LINGO1: variants seen among roughly 807,000 people sequenced by gnomAD.
LINGO1 encodes the protein leucine rich repeat and Ig domain containing 1.
In LINGO1, 11 loss-of-function variants were observed where a neutral mutation model predicts 37.3. That is an observed-to-expected ratio of 0.29 (90% confidence interval 0.19 to 0.49). The LOEUF is 0.49. Ranked by LOEUF, LINGO1 falls within the 20% of genes least tolerant of loss-of-function variation. The probability of loss-of-function intolerance (pLI) is 0.99; values close to 1 mark genes in which losing one functional copy is unlikely to be tolerated. For synonymous variants in LINGO1, 387 were observed against 403.0 expected (o/e 0.96, Z 0.48); for missense variants, 585 against 878.2 (o/e 0.67, Z 4.22).
intron 2 of LINGO1, among the ~76,000 whole-genome samples, chr15:77,704,437 C>T (rs973494979): frequency 1.3e-5 from 2 of 151,974 alleles, no homozygotes; most frequent in East Asian, 3.9e-4. Context: ...TGAATCCCGA[C>T]CCTGGTCAGA....
At chr15:77,794,298 A>G (rs200141301) in intron 2 of LINGO1, among the ~76,000 whole-genome samples, 57 of 118,448 alleles carry the variant, frequency 4.8e-4, no homozygotes, top group East Asian at 1.1e-3. Flanking sequence ...ATGTATGTAT[A>G]TATATACATA....
intron 1 of LINGO1, among the ~76,000 whole-genome samples, chr15:77,786,532 T>G (rs1273414756): frequency 6.6e-6 from 1 of 152,200 alleles, no homozygotes; most frequent in Non-Finnish European, 1.5e-5. Context: ...CCTACAGTTC[T>G]GGATATTTAC....
At chr15:77,653,705 C>T (rs1447702006) in intron 3 of LINGO1, among the ~76,000 whole-genome samples, 1 of 150,674 alleles carries the variant, frequency 6.6e-6, no homozygotes, top group African/African-American at 2.5e-5. Context: ...CTTGTCTCTA[C>T]CCCAGAAGCA....
intron 2 of LINGO1, among the ~76,000 whole-genome samples, chr15:77,703,516 A>G (rs1386327777): frequency 6.6e-6 from 1 of 152,164 alleles, no homozygotes; most frequent in Admixed American, 6.5e-5. Flanking sequence ...CATCTGCAAC[A>G]TAAGGTGTCC....
At chr15:77,642,264 G>A (rs1158002164) in intron 3 of LINGO1, among the ~76,000 whole-genome samples, 1 of 152,202 alleles carries the variant, frequency 6.6e-6, no homozygotes, top group Non-Finnish European at 1.5e-5. Context: ...CCAGTTGCCA[G>A]GGCTTGGTTC....
chr15:77,727,015 A>T (rs1409515993), intron 2 of LINGO1, among the ~76,000 whole-genome samples: 2 of 152,272 alleles, frequency 1.3e-5, no homozygotes, highest in Non-Finnish European at 2.9e-5. Context: ...CATCAGGGAA[A>T]TGCAAAGCAA....
upstream of LINGO1, among the ~76,000 whole-genome samples, chr15:77,700,454 T>C (rs1405397899): frequency 1.3e-5 from 2 of 152,092 alleles, no homozygotes; most frequent in Non-Finnish European, 1.5e-5. Flanking sequence ...CCACTACTAA[T>C]AGTTAAAGCG....
At chr15:77,689,553 C>T (rs1173439929) in intron 2 of LINGO1, among the ~76,000 whole-genome samples, 5 of 152,204 alleles carry the variant, frequency 3.3e-5, no homozygotes, top group Admixed American at 1.3e-4. Flanking sequence ...GGGTGGCTCA[C>T]GGCCAATGAC....
At chr15:77,705,790 G>A (rs1262010852) in intron 2 of LINGO1, among the ~76,000 whole-genome samples, 2 of 152,240 alleles carry the variant, frequency 1.3e-5, no homozygotes, top group African/African-American at 2.4e-5. Context: ...CTTCTGGGCT[G>A]TGTGTCCTAG....
chr15:77,651,533 A>G (rs2074758283), intron 3 of LINGO1: 1 of 152,228 alleles, frequency 6.6e-6, no homozygotes, highest in African/African-American at 2.4e-5. Context: ...TGTATCAAGT[A>G]GTGGCTGATA....
chr15:77,649,681 T>C (rs1014551908), intron 3 of LINGO1, among the ~76,000 whole-genome samples: 6 of 151,866 alleles, frequency 4.0e-5, no homozygotes, highest in Non-Finnish European at 7.4e-5. Context: ...AGCTGGAGGA[T>C]AGAAACCAAG....
chr15:77,702,066 T>C (rs2075790868), intron 2 of LINGO1, among the ~76,000 whole-genome samples: 1 of 152,112 alleles, frequency 6.6e-6, no homozygotes, highest in African/African-American at 2.4e-5. Context: ...AGATGGTGCC[T>C]GAAGGCCCAC....
At chr15:77,794,098 G>A (rs1382003218) in intron 2 of LINGO1, among the ~76,000 whole-genome samples, 3 of 152,182 alleles carry the variant, frequency 2.0e-5, no homozygotes, top group Non-Finnish European at 4.4e-5. Flanking sequence ...GCTGCCGTCT[G>A]CCTGGGCAGT....
upstream of LINGO1, among the ~76,000 whole-genome samples, chr15:77,791,130 C>T (rs1008950070): frequency 2.6e-5 from 4 of 152,146 alleles, no homozygotes; most frequent in African/African-American, 9.7e-5. Flanking sequence ...CAGGCTTGGA[C>T]ACCCTGGCCC....
intron 1 of LINGO1, among the ~76,000 whole-genome samples, chr15:77,623,322 A>C (rs1270491808): frequency 6.6e-6 from 1 of 152,198 alleles, no homozygotes; most frequent in Non-Finnish European, 1.5e-5. Flanking sequence ...GGTCAACTTG[A>C]GAGCATCCTG....
At chr15:77,684,944 G>A (rs1323053372) in intron 2 of LINGO1, among the ~76,000 whole-genome samples, 4 of 152,060 alleles carry the variant, frequency 2.6e-5, no homozygotes, top group Non-Finnish European at 5.9e-5. Context: ...AGGGCTCTGG[G>A]TTCTGACTGG....
chr15:77,762,836 C>G (rs533269487), intron 1 of LINGO1, among the ~76,000 whole-genome samples: 1 of 152,278 alleles, frequency 6.6e-6, no homozygotes, highest in African/African-American at 2.4e-5. Context: ...CTCTTCCCTG[C>G]CCCAGGGCTT....
At chr15:77,764,721 T>C (rs1027222274) in intron 1 of LINGO1, among the ~76,000 whole-genome samples, 3 of 152,152 alleles carry the variant, frequency 2.0e-5, no homozygotes, top group Non-Finnish European at 4.4e-5. Flanking sequence ...CTGTTGGCCA[T>C]GGAAGGTGAT....
chr15:77,727,129 T>C (rs1398429963), intron 2 of LINGO1, among the ~76,000 whole-genome samples: 2 of 152,174 alleles, frequency 1.3e-5, no homozygotes, highest in African/African-American at 4.8e-5. Flanking sequence ...TGTGTATTGC[T>C]AGTAGGAATG....
Sources: allele counts gnomAD v4.1 joint callset (sites outside exome capture counted in the v4.1 genomes callset), GRCh38; gene constraint gnomAD v4.1.1; transcripts MANE v1.5; gene names NCBI Gene and HGNC (gene_info 2026-07-23, HGNC 2026-07-21).